Variants in TAF3 observed in about 807,000 individuals in gnomAD.
The protein encoded by TAF3 is TATA-box binding protein associated factor 3.
In TAF3, 7 loss-of-function variants were observed where a neutral mutation model predicts 80.6. The observed-to-expected ratio is 0.09, with a 90% CI of 0.05 to 0.16. The LOEUF (loss-of-function observed/expected upper bound fraction) is 0.16, where lower values mean the gene tolerates loss of function less well. Ranked by LOEUF, TAF3 falls within the 10% of genes least tolerant of loss-of-function variation. The pLI is 1.00. For missense variants in TAF3, 921 were observed against 1,140.2 expected (o/e 0.81, Z 2.77); for synonymous variants, 444 against 446.1 (o/e 1.00, Z 0.06).
At chr10:7,890,997 G>A (rs569392180) in intron 2 of TAF3, among the ~76,000 whole-genome samples, 1 of 152,346 alleles carries the variant, frequency 6.6e-6, no homozygotes, top group African/African-American at 2.4e-5. Flanking sequence ...AGCTGAACTT[G>A]CGGATGCCAG....
In TAF3 at chr10:7,912,357, C is replaced by T. The variant is rs150958523; in HGVS notation, c.410-51563C>T. The stretch of plus-strand genomic sequence containing the variant: ...TCAAGCGATCATTCTGCGTTGGCCC[C>T]GCAAAGCGCTGGAATTGCAAGCATG... On this transcript the variant is annotated intron_variant, in intron 2 of 6. Transcript: ENST00000344293. Among the ~76,000 whole-genome samples, 572 of 152,220 alleles carry T rather than the reference C, an allele frequency of 3.8e-3. 4 individuals are homozygous for T. Among genetic ancestry groups the T allele is most frequent in the South Asian group, 0.02 (97 of 4,824 alleles).
At chr10:7,988,881 T>A (rs2131426818) in intron 4 of TAF3, among the ~76,000 whole-genome samples, 1 of 152,220 alleles carries the variant, frequency 6.6e-6, no homozygotes, top group South Asian at 2.1e-4. Context: ...CTGTGTAAAA[T>A]GGTACATTGT....
intron 2 of TAF3, among the ~76,000 whole-genome samples, chr10:7,894,027 C>A (rs1350372519): frequency 6.6e-6 from 1 of 152,186 alleles, no homozygotes. Flanking sequence ...GTCTTCTACC[C>A]TGTATCATCA....
At chr10:7,995,008 C>G (rs2131430845) in intron 4 of TAF3, among the ~76,000 whole-genome samples, 1 of 147,980 alleles carries the variant, frequency 6.8e-6, no homozygotes, top group East Asian at 2.0e-4. Context: ...AAAAAGAAAT[C>G]CTGAGTCTTA....
intron 4 of TAF3, among the ~76,000 whole-genome samples, chr10:8,005,858 AGACAGT>A (rs966541606): frequency 3.3e-5 from 5 of 152,240 alleles, no homozygotes; most frequent in African/African-American, 1.2e-4. Context: ...ACACATTGAG[AGACAGT>A]GTCATATACT....
At chr10:7,828,081 G>A (rs1368060460) in intron 2 of TAF3, among the ~76,000 whole-genome samples, 2 of 152,134 alleles carry the variant, frequency 1.3e-5, no homozygotes, top group Non-Finnish European at 2.9e-5. Flanking sequence ...AAGGGGAATC[G>A]GTGTCAAGCT....
chr10:7,818,895 C>A lies in TAF3; in HGVS notation c.166+20C>A. ...AGCTCTGTGAGTACCGGGCTGGGTG[C>A]GGGAGGGCTGCCCCGGCAAGTCAAG... is the stretch of plus-strand genomic sequence containing the variant. On this transcript the variant is annotated intron_variant, in intron 1 of 6. Coordinates refer to ENST00000344293, the MANE Select transcript of TAF3 (RefSeq NM_031923.4). 1.4e-6 allele frequency: 2 copies of A among 1,383,944 alleles called. No homozygotes were observed. The highest frequency in any genetic ancestry group is 1.9e-6 in the Non-Finnish European group (2 of 1,071,962). The allele number at this position is 1,383,944 out of a possible 1,614,324, so 85.7% of individuals were successfully genotyped here.
At position 8,015,014 on chromosome 10, in the gene TAF3, T is replaced by C; in HGVS notation, c.*263T>C. On this transcript the variant is annotated 3_prime_UTR_variant, in exon 7 of 7. Coordinates refer to ENST00000344293, the MANE Select transcript of TAF3 (RefSeq NM_031923.4). ...GGCTGCCCCTCCTCCACTTCTCTAA[T>C]ACCAGTGACAAGTATTATTAATAAA... The C allele has an allele frequency of 6.0e-6, 2 of 331,232 alleles. No individual in the cohort carries two copies. The highest frequency in any genetic ancestry group is 2.1e-5 in the African/African-American group (1 of 47,878). 20.5% of individuals were successfully genotyped at this position (331,232 alleles called of 1,614,324 possible). A position where few individuals can be genotyped will look rare whatever the true frequency, so the allele number is the denominator to read the frequency against.
chr10:7,850,630 G>A (rs4617489), intron 2 of TAF3, among the ~76,000 whole-genome samples: 47,120 of 151,306 alleles, frequency 0.31, 8,105 homozygotes, highest in Non-Finnish European at 0.39. Context: ...GAGCTGAGAT[G>A]GTGCCACTGC....
chr10:7,832,293 A>T lies in TAF3; in HGVS notation c.409+7733A>T, dbSNP rs917352913. Among the ~76,000 whole-genome samples the T allele has an allele frequency of 2.0e-5, 3 of 152,106 alleles. No homozygotes were observed. The South Asian group carries it at 6.2e-4, about 31-fold the overall frequency. The stretch of plus-strand genomic sequence containing the variant: ...CCACATATAAGTGAGAACATGTGGT[A>T]TGTCTCCTTCTGTGCCTGGCTTACT... On this transcript the variant is annotated intron_variant, in intron 2 of 6. Transcript: ENST00000344293.
chr10:7,906,842 C>G (rs577792528), intron 2 of TAF3, among the ~76,000 whole-genome samples: 1 of 151,192 alleles, frequency 6.6e-6, no homozygotes, highest in Non-Finnish European at 1.5e-5. Flanking sequence ...CTTGGCCTCC[C>G]GAGAAGCTGG....
chr10:7,886,474 AC>A (rs748671076), intron 2 of TAF3, among the ~76,000 whole-genome samples: 1 of 152,204 alleles, frequency 6.6e-6, no homozygotes. Context: ...ATATATAATA[AC>A]CAAAGAAAAG....
chr10:7,854,361 GC>G (rs1234080798), intron 2 of TAF3, among the ~76,000 whole-genome samples: 2 of 152,138 alleles, frequency 1.3e-5, no homozygotes, highest in East Asian at 3.9e-4. Flanking sequence ...GGAATTATTT[GC>G]CCCAAAACAA....
intron 4 of TAF3, among the ~76,000 whole-genome samples, chr10:7,991,025 T>C (rs1413659113): frequency 2.0e-5 from 3 of 152,224 alleles, no homozygotes; most frequent in Non-Finnish European, 4.4e-5. Flanking sequence ...CCTTCAAGGT[T>C]AGGAGCTGCA....
chr10:7,880,532 T>C (rs1012232995), intron 2 of TAF3, among the ~76,000 whole-genome samples: 17 of 152,252 alleles, frequency 1.1e-4, no homozygotes, highest in African/African-American at 2.9e-4. Flanking sequence ...GAAACCTGTA[T>C]TGGAATTTTC....
At chr10:8,007,227 C>G (rs756590498) in intron 4 of TAF3, among the ~76,000 whole-genome samples, 6 of 152,102 alleles carry the variant, frequency 3.9e-5, no homozygotes, top group African/African-American at 7.2e-5. Context: ...ATATAGATCT[C>G]TATGTGTCAG....
chr10:7,917,709 A>G (rs1245032967), intron 2 of TAF3, among the ~76,000 whole-genome samples: 3 of 152,216 alleles, frequency 2.0e-5, no homozygotes, highest in Non-Finnish European at 4.4e-5. Flanking sequence ...TGAAAGCCTA[A>G]CAAGCAGTTG....
chr10:7,934,456 T>G (rs924230043), intron 2 of TAF3, among the ~76,000 whole-genome samples: 1 of 152,136 alleles, frequency 6.6e-6, no homozygotes, highest in Non-Finnish European at 1.5e-5. Flanking sequence ...TATTTATTTA[T>G]TTATTTGAGA....
chr10:7,922,998 A>G (rs1837779198), intron 2 of TAF3, among the ~76,000 whole-genome samples: 1 of 152,084 alleles, frequency 6.6e-6, no homozygotes, highest in African/African-American at 2.4e-5. Flanking sequence ...TAAATCATCT[A>G]TATAGGACTT....
Sources: gnomAD v4.1 joint callset for allele counts (sites outside exome capture counted in the v4.1 genomes callset) on GRCh38, gnomAD v4.1.1 for gene constraint, MANE v1.5 for transcripts, NCBI Gene and HGNC (gene_info 2026-07-23, HGNC 2026-07-21) for gene names.